Variants in LRSAM1 observed in about 807,000 individuals in gnomAD.
The protein encoded by LRSAM1 is leucine rich repeat and sterile alpha motif containing 1.
A neutral mutation model predicts 118.1 loss-of-function variants in LRSAM1; 96 were observed. The ratio of observed to expected loss-of-function variants is 0.81; its 90% CI spans 0.69 to 0.96. The LOEUF is 0.96. Among genes scored for constraint, LRSAM1 ranks in the 40% least tolerant of loss-of-function variants. The pLI is 0.00. For synonymous variants in LRSAM1, 322 were observed against 364.2 expected, an observed-to-expected ratio of 0.88 and a Z score of 1.32; for missense variants, 804 against 915.5, an observed-to-expected ratio of 0.88 and a Z score of 1.57.
At chr9:127,494,569 T>C (rs930435682) in intron 21 of LRSAM1, among the ~76,000 whole-genome samples, 1 of 152,272 alleles carries the variant, frequency 6.6e-6, no homozygotes, top group Non-Finnish European at 1.5e-5. Flanking sequence ...CCGTGGCTGT[T>C]ATCAGCATTG....
chr9:127,484,997 A>G lies in LRSAM1; in HGVS notation c.1160-739A>G, dbSNP rs117795199. Among the ~76,000 whole-genome samples, 1,051 of 151,558 alleles carry G rather than the reference A, an allele frequency of 6.9e-3. 11 individuals carry two copies. The highest frequency in any genetic ancestry group is 0.014 in the Middle Eastern group (4 of 294). On this transcript the variant is annotated intron_variant, in intron 16 of 25. Coordinates refer to ENST00000300417, the MANE Select transcript of LRSAM1 (RefSeq NM_001005373.4). ...TAATTTTTGTATTTTTAGTACAGACACAGTTTCGCCATGTTGGCCAGGCTG... is the reference window on the plus strand; with the variant it reads ...TAATTTTTGTATTTTTAGTACAGACGCAGTTTCGCCATGTTGGCCAGGCTG...
chr9:127,466,573 G>A lies in LRSAM1; in HGVS notation c.529-1167G>A, dbSNP rs565035884. Reference sequence around the variant, plus strand: ...TCGCTATGTTGCCCAGGCTGGTCTCGAACTCCTGGGCTGAAGTGATCCTCC... The same window carrying A: ...TCGCTATGTTGCCCAGGCTGGTCTCAAACTCCTGGGCTGAAGTGATCCTCC... On this transcript the variant is annotated intron_variant, in intron 9 of 25. Coordinates refer to ENST00000300417, the MANE Select transcript of LRSAM1 (RefSeq NM_001005373.4). 5.5e-4 allele frequency among the ~76,000 whole-genome samples: 69 copies of A among 126,534 alleles called. No individual in the cohort carries two copies. The South Asian group carries it at 0.016, about 29-fold the overall frequency. 83.0% of individuals were successfully genotyped at this position (126,534 alleles called of 152,430 possible).
intron 21 of LRSAM1, among the ~76,000 whole-genome samples, chr9:127,495,007 A>G (rs955013108): frequency 6.6e-6 from 1 of 152,174 alleles, no homozygotes; most frequent in Admixed American, 6.5e-5. Context: ...GCTGGAGTGC[A>G]GTGGCGCGAT....
chr9:127,493,103 C>T (rs1044149088), intron 21 of LRSAM1, among the ~76,000 whole-genome samples: 1 of 152,166 alleles, frequency 6.6e-6, no homozygotes, highest in African/African-American at 2.4e-5. Flanking sequence ...ACTCTGTCGC[C>T]CAGGCTGGAG....
Position 127,467,655 on chromosome 9 carries a change from A to G in LRSAM1, c.529-85A>G, listed in dbSNP as rs534541360. 2.3e-6 allele frequency: 3 copies of G among 1,303,924 alleles called. No homozygotes were observed. The South Asian group carries it at 3.8e-5, about 16-fold the overall frequency. The allele number at this position is 1,303,924 out of a possible 1,614,324, so 80.8% of individuals were successfully genotyped here. On this transcript the variant is annotated intron_variant, in intron 9 of 25. Transcript: ENST00000300417. ...CATTCCTGCTGGGTAGAGGTGACAGAGAACACACAAATTGATAAGGAAATC... is the reference window on the plus strand; with the variant it reads ...CATTCCTGCTGGGTAGAGGTGACAGGGAACACACAAATTGATAAGGAAATC...
chr9:127,501,347 T>C (rs1373760093), intron 25 of LRSAM1, among the ~76,000 whole-genome samples: 1 of 152,088 alleles, frequency 6.6e-6, no homozygotes, highest in African/African-American at 2.4e-5. Flanking sequence ...CGGACCTTTT[T>C]CTTTTTGTTC....
intron 7 of LRSAM1, among the ~76,000 whole-genome samples, chr9:127,459,337 G>A (rs2132004546): frequency 2.0e-5 from 3 of 151,278 alleles, no homozygotes; most frequent in Admixed American, 2.0e-4. Context: ...TCCTGCCTCA[G>A]CCTCCCTAGT....
chr9:127,481,441 G>A (rs1188376426), intron 15 of LRSAM1, among the ~76,000 whole-genome samples: 1 of 151,840 alleles, frequency 6.6e-6, no homozygotes, highest in Non-Finnish European at 1.5e-5. Context: ...GTAGAGACGG[G>A]GTTTCACCGT....
intron 10 of LRSAM1, among the ~76,000 whole-genome samples, chr9:127,469,665 T>TAA (rs1183603115): frequency 1.4e-5 from 2 of 143,930 alleles, no homozygotes; most frequent in South Asian, 4.4e-4. Flanking sequence ...CAACCAGAAA[T>TAA]AAAAAAACAA....
chr9:127,480,982 T>A lies in LRSAM1; in HGVS notation c.1044-201T>A, dbSNP rs1588122073. ...ATGTGAGCCACTGTGTCTGGCTGGG[T>A]TTTTTTATTCTTCTAATTTCATAGG... On this transcript the variant is annotated intron_variant, in intron 14 of 25. Coordinates refer to ENST00000300417, the MANE Select transcript of LRSAM1 (RefSeq NM_001005373.4). Among the ~76,000 whole-genome samples the A allele has an allele frequency of 2.0e-5, 3 of 152,114 alleles. No individual in the cohort carries two copies. In the South Asian group the frequency reaches 6.2e-4, roughly 32 times the overall value.
intron 17 of LRSAM1, among the ~76,000 whole-genome samples, chr9:127,486,144 C>A: frequency 6.6e-6 from 1 of 152,218 alleles, no homozygotes; most frequent in Non-Finnish European, 1.5e-5. Context: ...GTTATTAGCC[C>A]GATTTCACAA....
intron 24 of LRSAM1, 139 bp from the exon 25 acceptor site, chr9:127,500,871 C>A: frequency 8.6e-7 from 1 of 1,168,208 alleles, no homozygotes; most frequent in Non-Finnish European, 1.3e-6. Context: ...AAGGAGAGCA[C>A]TTCCCTCAGA....
chr9:127,476,674 G>A (rs1221034168), intron 11 of LRSAM1, among the ~76,000 whole-genome samples: 1 of 151,936 alleles, frequency 6.6e-6, no homozygotes, highest in Non-Finnish European at 1.5e-5. Flanking sequence ...TGATGGAATT[G>A]TTTTCTTTTT....
chr9:127,454,337 G>C (rs896366180), intron 2 of LRSAM1, among the ~76,000 whole-genome samples, 159 bp from the exon 3 acceptor site: 1 of 143,672 alleles, frequency 7.0e-6, no homozygotes, highest in African/African-American at 2.6e-5. Flanking sequence ...AGACCCAGCC[G>C]CTGCCTCCGT....
chr9:127,487,840 C>A, intron 18 of LRSAM1, 77 bp downstream of exon 18: 1 of 1,285,998 alleles, frequency 7.8e-7, no homozygotes, highest in Non-Finnish European at 1.1e-6. Context: ...CAGAGCTCCA[C>A]ACGGAGCCCT....
chr9:127,458,936 G>T, intron 6 of LRSAM1, 67 bp from the exon 7 acceptor site: 1 of 1,554,124 alleles, frequency 6.4e-7, no homozygotes, highest in Non-Finnish European at 8.8e-7. Context: ...CCCCTCCTCA[G>T]CGCTCTGGAG....
intron 5 of LRSAM1, among the ~76,000 whole-genome samples, chr9:127,456,437 G>T (rs1437254517): frequency 1.3e-5 from 2 of 152,018 alleles, no homozygotes; most frequent in African/African-American, 4.8e-5. Context: ...TGCCATGTTG[G>T]CCAGGCTGGT....
intron 6 of LRSAM1, 159 bp downstream of exon 6, chr9:127,457,552 G>A: frequency 1.4e-6 from 1 of 728,854 alleles, no homozygotes; most frequent in Non-Finnish European, 2.4e-6. Context: ...ACTTCTGTGG[G>A]CTGTGTGTGG....
At chr9:127,474,019 C>A (rs941977997) in intron 11 of LRSAM1, 88 bp downstream of exon 11, 1 of 1,584,782 alleles carries the variant, frequency 6.3e-7, no homozygotes, top group East Asian at 2.3e-5. Context: ...TGGAAGGGGG[C>A]GGTGGTTCAG....
Sources: gnomAD v4.1 joint callset for allele counts (sites outside exome capture counted in the v4.1 genomes callset) on GRCh38, gnomAD v4.1.1 for gene constraint, MANE v1.5 for transcripts, NCBI Gene and HGNC (gene_info 2026-07-23, HGNC 2026-07-21) for gene names.